Variants in SRRM2 observed in about 807,000 individuals in gnomAD.
SRRM2 encodes the protein serine/arginine repetitive matrix protein 2.
A neutral mutation model predicts 213.8 loss-of-function variants in SRRM2; 30 were observed. That is an observed-to-expected ratio of 0.14 (90% CI 0.10 to 0.19). The LOEUF (loss-of-function observed/expected upper bound fraction) is 0.19. Ranked by LOEUF, SRRM2 falls within the 10% of genes least tolerant of loss-of-function variation. SRRM2 has a pLI of 1.00. For missense variants in SRRM2, 4,904 were observed against 3,647.0 expected (o/e 1.34, Z -8.88); for synonymous variants, 2,025 against 1,377.7 (o/e 1.47, Z -10.40).
chr16:2,765,425 C>A lies in SRRM2; in HGVS notation c.4897C>A (p.Pro1633Thr). 2.5e-6 allele frequency: 4 copies of A among 1,614,122 alleles called. No individual in the cohort carries two copies. Among genetic ancestry groups the A allele is most frequent in the Non-Finnish European group, 3.4e-6 (4 of 1,180,026 alleles). Reference protein sequence around the residue: ...EPKAPAPRALPRRSRSGSSSK... With the variant: ...EPKAPAPRALTRRSRSGSSSK... The stretch of plus-strand genomic sequence containing the variant: ...TAAAGCTCCAGCCCCTCGGGCCCTT[C>A]CCAGACGAAGCAGATCAGGTTCATC... The change falls in exon 11 of 15, where the codon CCC becomes ACC. Residue 1633 changes from proline to threonine, a missense_variant. By Grantham distance (38) the Pro-to-Thr change is conservative. Coordinates refer to ENST00000301740, the MANE Select transcript of SRRM2 (RefSeq NM_016333.4).
intron 10 of SRRM2, 35 bp downstream of exon 10, chr16:2,760,534 C>T: frequency 6.2e-7 from 1 of 1,606,110 alleles, no homozygotes; most frequent in East Asian, 2.2e-5. Flanking sequence ...CATTGGATTG[C>T]AAATGTATAG....
At position 2,765,574 on chromosome 16, in the gene SRRM2, T is replaced by C; in HGVS notation, c.5046T>C (p.Ser1682=). The C allele has an allele frequency of 6.2e-7, 1 of 1,614,046 alleles. No individual in the cohort carries two copies. The highest frequency in any genetic ancestry group is 8.5e-7 in the Non-Finnish European group (1 of 1,179,998). Residue 1682 remains serine, a synonymous_variant, in exon 11 of 15, where the codon TCT becomes TCC. Coordinates refer to ENST00000301740, the MANE Select transcript of SRRM2 (RefSeq NM_016333.4). ...SRSSPEPKTK[S]RTPPRRRSSR... is the part of the protein sequence containing the mutation. ...CATCACCAGAGCCCAAGACCAAGTCTCGTACACCACCTCGACGTCGCAGCT... is the reference window on the plus strand; with the variant it reads ...CATCACCAGAGCCCAAGACCAAGTCCCGTACACCACCTCGACGTCGCAGCT...
chr16:2,768,749 C>T, intron 11 of SRRM2: 1 of 757,294 alleles, frequency 1.3e-6, no homozygotes, highest in Non-Finnish European at 2.3e-6. Flanking sequence ...CTTATTCCTC[C>T]ATCAGGGACA....
rs200787815 is a variant in SRRM2, at chr16:2,757,902, C to G, written c.472C>G (p.Arg158Gly). 5 of 1,613,946 alleles carry G rather than the reference C, an allele frequency of 3.1e-6. No homozygotes were observed. Among genetic ancestry groups the G allele is most frequent in the Non-Finnish European group, 4.2e-6 (5 of 1,180,016 alleles). Reference sequence around the variant, plus strand: ...CTCTTTTGATCCTCAGCGTCGTGCCCGAGAAGCTAAACAACCAGCTCCTGA... The same window carrying G: ...CTCTTTTGATCCTCAGCGTCGTGCCGGAGAAGCTAAACAACCAGCTCCTGA... ...GSSFDPQRRA[R>G]EAKQPAPEPP... Residue 158 changes from arginine (R) to glycine (G), a missense_variant, in exon 4 of 15, where the codon CGA (arginine) becomes GGA (glycine). Coordinates refer to ENST00000301740, the MANE Select transcript of SRRM2 (RefSeq NM_016333.4).
chr16:2,770,981 G>A lies in SRRM2; in HGVS notation c.*114G>A. 7.5e-7 allele frequency: 1 copy of A among 1,331,642 alleles called. No individual in the cohort carries two copies. Among genetic ancestry groups the A allele is most frequent in the Non-Finnish European group, 1.0e-6 (1 of 963,298 alleles). 82.5% of individuals were successfully genotyped at this position (1,331,642 alleles called of 1,614,324 possible). On this transcript the variant is annotated 3_prime_UTR_variant, in exon 15 of 15. Coordinates refer to ENST00000301740, the MANE Select transcript of SRRM2 (RefSeq NM_016333.4). ...GTCTGCTCTCCTTTGAACCTTGGCA[G>A]CCCTTGGATGGAGGGCTCCCTTTCC...
In SRRM2 at chr16:2,765,781, A is replaced by G. The variant is rs750837945; in HGVS notation, c.5253A>G (p.Pro1751=). 3 of 1,613,888 alleles carry G rather than the reference A, an allele frequency of 1.9e-6. No homozygotes were observed. Among genetic ancestry groups the G allele is most frequent in the African/African-American group, 1.3e-5 (1 of 74,878 alleles). ...GCCGACGGCGCTCAGCTTCATCTCC[A>G]CGCACTAAGACAACCTCAAGGAGAG... The part of the protein sequence containing the change: ...SSRRRRSASS[P]RTKTTSRRGR... The change falls in exon 11 of 15, where the codon CCA becomes CCG. Residue 1751 remains proline (P), a synonymous_variant. Transcript: ENST00000301740.
In SRRM2 at chr16:2,764,509, T is replaced by C; in HGVS notation, c.3981T>C (p.Phe1327=). The C allele has an allele frequency of 1.2e-6, 2 of 1,614,218 alleles. No individual in the cohort carries two copies. The highest frequency in any genetic ancestry group is 1.7e-6 in the Non-Finnish European group (2 of 1,180,042). ...ACTCCCCACTCAGGGAGAACAGCTT[T>C]GGATCACCTTTAGAATTTAGAAACT... ...LSNSPLRENS[F]GSPLEFRNSG... The change falls in exon 11 of 15, where the codon TTT becomes TTC. Residue 1327 remains phenylalanine (F), a synonymous_variant. Transcript: ENST00000301740.
In SRRM2 at chr16:2,771,387, T is replaced by C. The variant is rs757597303; in HGVS notation, c.*520T>C. On this transcript the variant is annotated 3_prime_UTR_variant, in exon 15 of 15. Coordinates refer to ENST00000301740, the MANE Select transcript of SRRM2 (RefSeq NM_016333.4). ...TGTACAGCAAGAGCAACTTTTTCTG[T>C]CAAATAAAAATGAGAAATGCAGGAA... 6 of 1,608,838 alleles carry C rather than the reference T, an allele frequency of 3.7e-6. No individual in the cohort carries two copies. The highest frequency in any genetic ancestry group is 1.3e-5 in the African/African-American group (1 of 74,842).
chr16:2,763,374 G>A lies in SRRM2; in HGVS notation c.2846G>A (p.Arg949Gln), dbSNP rs773818897. The change falls in exon 11 of 15, where the codon CGA becomes CAA. Residue 949 changes from arginine to glutamine, a missense_variant. Physicochemically the swap from Arg to Gln is conservative, Grantham distance 43. Coordinates refer to ENST00000301740, the MANE Select transcript of SRRM2 (RefSeq NM_016333.4). Reference protein sequence around the residue: ...SRVTSRTTPRRSRSVSPCSNV... With the variant: ...SRVTSRTTPRQSRSVSPCSNV... Reference sequence around the variant, plus strand: ...GTGACGTCGAGAACAACTCCACGGCGAAGCAGATCAGTATCTCCCTGCTCC... The same window carrying A: ...GTGACGTCGAGAACAACTCCACGGCAAAGCAGATCAGTATCTCCCTGCTCC... 4.7e-5 allele frequency: 76 copies of A among 1,614,054 alleles called. No individual in the cohort carries two copies. Among genetic ancestry groups the A allele is most frequent in the East Asian group, 6.7e-5 (3 of 44,896 alleles).
Position 2,762,208 on chromosome 16 carries a change from G to T in SRRM2, c.1680G>T (p.Gly560=), listed in dbSNP as rs199955922. 1.9e-6 allele frequency: 3 copies of T among 1,614,128 alleles called. No homozygotes were observed. Among genetic ancestry groups the T allele is most frequent in the East Asian group, 4.5e-5 (2 of 44,876 alleles). Residue 560 remains glycine, a synonymous_variant, in exon 11 of 15, where the codon GGG becomes GGT. Transcript: ENST00000301740. The part of the protein sequence containing the change: ...RRGRSRSARR[G]RSHSRSPATR... ...GCAGGTCTAGGTCAGCAAGGCGAGG[G>T]AGGTCCCACTCTAGATCCCCAGCCA...
In SRRM2 at chr16:2,759,594, A is replaced by G. The variant is rs2068267523; in HGVS notation, c.766A>G (p.Lys256Glu). 1.9e-6 allele frequency: 3 copies of G among 1,614,114 alleles called. No homozygotes were observed. The highest frequency in any genetic ancestry group is 2.5e-6 in the Non-Finnish European group (3 of 1,180,010). The change falls in exon 9 of 15, where the codon AAG (lysine) becomes GAG (glutamate). Residue 256 changes from lysine to glutamate, a missense_variant. By Grantham distance (56) the Lys-to-Glu change is moderately conservative. Coordinates refer to ENST00000301740, the MANE Select transcript of SRRM2 (RefSeq NM_016333.4). ...KRSRSTTPAP[K>E]SRRAHRSTSA... is the part of the protein sequence containing the mutation. The stretch of plus-strand genomic sequence containing the variant: ...GTCTCGAAGTACAACACCAGCCCCC[A>G]AGAGCCGCCGGGCCCACCGTTCAAC...
At chr16:2,759,796 A>T in intron 9 of SRRM2, 135 bp downstream of exon 9, 3 of 730,800 alleles carry the variant, frequency 4.1e-6, no homozygotes, top group Non-Finnish European at 4.5e-6. Context: ...CTAGGAGCTG[A>T]CAGGCTAAAG....
At chr16:2,768,616 C>T (rs1361092488) in intron 11 of SRRM2, 7 of 632,680 alleles carry the variant, frequency 1.1e-5, no homozygotes, top group African/African-American at 7.2e-5. Context: ...CCATCCCTCT[C>T]CCTGCCTCCA....
In SRRM2 at chr16:2,765,972, G is replaced by A. The variant is rs906207584; in HGVS notation, c.5444G>A (p.Arg1815Lys). Residue 1815 changes from arginine to lysine, a missense_variant, in exon 11 of 15, where the codon AGG becomes AAG. By Grantham distance (26) the Arg-to-Lys change is conservative (BLOSUM62 2). Transcript: ENST00000301740. ...RSRSRVTRRR[R>K]GGSGYHSRSP... Reference sequence around the variant, plus strand: ...AGGTCGCGGGTTACTCGGCGGCGGAGGGGAGGCTCTGGTTATCACTCAAGG... The same window carrying A: ...AGGTCGCGGGTTACTCGGCGGCGGAAGGGAGGCTCTGGTTATCACTCAAGG... 4 of 1,614,176 alleles carry A rather than the reference G, an allele frequency of 2.5e-6. No individual in the cohort carries two copies. The highest frequency in any genetic ancestry group is 3.4e-6 in the Non-Finnish European group (4 of 1,180,030).
chr16:2,756,300 G>A, intron 1 of SRRM2, 34 bp from the exon 2 acceptor site: 1 of 1,481,960 alleles, frequency 6.7e-7, no homozygotes, highest in African/African-American at 1.4e-5. Flanking sequence ...TTTGGGGCCA[G>A]GGGCCTGACC....
At position 2,766,505 on chromosome 16, in the gene SRRM2, A is replaced by AGATCTC; in HGVS notation, c.5985_5990dup (p.Ser1996_Arg1997dup). On this transcript the variant is annotated inframe_insertion, in exon 11 of 15. Transcript: ENST00000301740. The surrounding 1 kb of genome is among the most constrained non-coding windows in gnomAD (Gnocchi z 7.0). Reference sequence around the variant, plus strand: ...CAGAACATCTCCGGTCACCCGAAGGAGATCTCGATCTCGCACATCTCCAGT... The same window carrying AGATCTC: ...CAGAACATCTCCGGTCACCCGAAGGAGATCTCGATCTCGATCTCGCACATCTCCAGT... 1 of 1,614,142 alleles carries AGATCTC rather than the reference A, an allele frequency of 6.2e-7. No individual in the cohort carries two copies. Among genetic ancestry groups the AGATCTC allele is most frequent in the Non-Finnish European group, 8.5e-7 (1 of 1,179,998 alleles).
In SRRM2 at chr16:2,766,925, C is replaced by T. The variant is rs749201398; in HGVS notation, c.6397C>T (p.Pro2133Ser). The T allele has an allele frequency of 1.2e-6, 2 of 1,614,156 alleles. No individual in the cohort carries two copies. Among genetic ancestry groups the T allele is most frequent in the Non-Finnish European group, 1.7e-6 (2 of 1,180,032 alleles). Residue 2133 changes from proline (P) to serine (S), a missense_variant, in exon 11 of 15, where the codon CCT (proline) becomes TCT (serine). Transcript: ENST00000301740. This position sits in a 1 kb window ranked among gnomAD's most constrained non-coding sequence, Gnocchi z 7.0. The stretch of plus-strand genomic sequence containing the variant: ...AACACCTCTTGATCGCTGCAGATCA[C>T]CTGGAATGCTTGAACCCCTTGGCAG... ...SPTPLDRCRS[P>S]GMLEPLGSSR...
intron 9 of SRRM2, 104 bp downstream of exon 9, chr16:2,759,765 G>A (rs959753965): frequency 2.0e-5 from 20 of 1,009,220 alleles, no homozygotes; most frequent in Non-Finnish European, 2.8e-5. Context: ...CAGACCATTC[G>A]GAAGACACGG....
intron 12 of SRRM2, chr16:2,769,920 C>T (rs1384634507): frequency 4.5e-6 from 2 of 443,978 alleles, no homozygotes; most frequent in Non-Finnish European, 9.0e-6. Context: ...GCTGTTCCTT[C>T]TGCCTGGAAT....
Sources: gnomAD v4.1 joint callset for allele counts on GRCh38, gnomAD v4.1.1 for gene constraint, Gnocchi (gnomAD v3.1) non-coding constraint, MANE v1.5 for transcripts, NCBI Gene and HGNC (gene_info 2026-07-23, HGNC 2026-07-21) for gene names.